Variants in DNAH7 observed in about 807,000 individuals in gnomAD.
The protein encoded by DNAH7 is dynein axonemal heavy chain 7, also known as axonemal beta dynein heavy chain 7.
A neutral mutation model predicts 444.6 loss-of-function variants in DNAH7; 397 were observed. That is an observed-to-expected ratio of 0.89 (90% CI 0.82 to 0.97). The LOEUF (loss-of-function observed/expected upper bound fraction) is 0.97. Among genes scored for constraint, DNAH7 ranks in the 50% least tolerant of loss-of-function variants. The pLI, the probability that DNAH7 is intolerant of heterozygous loss-of-function variation, is 0.00. For synonymous variants in DNAH7, 1,636 were observed against 1,624.4 expected (o/e 1.01, Z -0.17); for missense variants, 4,902 against 4,800.8 (o/e 1.02, Z -0.62).
intron 34 of DNAH7, among the ~76,000 whole-genome samples, 153 bp from the exon 35 acceptor site, chr2:195,884,962 T>C (rs1574663197): frequency 6.6e-6 from 1 of 152,204 alleles, no homozygotes; most frequent in South Asian, 2.1e-4. Flanking sequence ...TTTGTAATCA[T>C]AAGGGTTTTT....
At chr2:195,874,662 A>G (rs374194445) in intron 38 of DNAH7, among the ~76,000 whole-genome samples, 3 of 151,764 alleles carry the variant, frequency 2.0e-5, no homozygotes, top group African/African-American at 7.3e-5. Context: ...TCCACAAAAT[A>G]TGAAACAAAA....
intron 5 of DNAH7, among the ~76,000 whole-genome samples, chr2:196,030,306 A>T (rs953941293): frequency 6.6e-6 from 1 of 152,196 alleles, no homozygotes; most frequent in Non-Finnish European, 1.5e-5. Context: ...GGAGAAACCA[A>T]CCCCATGATT....
chr2:196,064,960 G>A (rs1698343423), intron 1 of DNAH7, among the ~76,000 whole-genome samples: 1 of 152,094 alleles, frequency 6.6e-6, no homozygotes, highest in South Asian at 2.1e-4. Context: ...ATACATATGT[G>A]TGTATATGTA....
At chr2:196,019,975 C>T (rs557122081) in intron 8 of DNAH7, among the ~76,000 whole-genome samples, 1 of 151,358 alleles carries the variant, frequency 6.6e-6, no homozygotes, top group Admixed American at 6.6e-5. Context: ...TTCCCTCCTC[C>T]TTCACCTCCT....
At position 195,926,534 on chromosome 2, in the gene DNAH7, T is replaced by A. The variant is rs1204732695; in HGVS notation, c.3504A>T (p.Lys1168Asn). Residue 1168 changes from lysine to asparagine, a missense_variant, in exon 22 of 65, where the codon AAA becomes AAT. Transcript: ENST00000312428. ...VTGDATFAYT[K>N]YERINWVRDW... The stretch of plus-strand genomic sequence containing the variant: ...CCCTTACCCAGTTAATTCGTTCATA[T>A]TTTGTATAGGCAAAAGTTGCATCTC... 1 of 1,602,286 alleles carries A rather than the reference T, an allele frequency of 6.2e-7. No homozygotes were observed. Among genetic ancestry groups the A allele is most frequent in the Non-Finnish European group, 8.5e-7 (1 of 1,175,638 alleles).
chr2:196,004,185 G>A (rs983415246), intron 10 of DNAH7, among the ~76,000 whole-genome samples: 20 of 152,284 alleles, frequency 1.3e-4, no homozygotes, highest in Middle Eastern at 6.8e-3. Flanking sequence ...CTGAACTGGG[G>A]AATATTTTAA....
Position 195,988,135 on chromosome 2 carries a change from T to C in DNAH7, c.1448A>G (p.Glu483Gly). The change falls in exon 13 of 65, where the codon GAG becomes GGG. Residue 483 changes from glutamate to glycine, a missense_variant. Physicochemically the swap from Glu to Gly is moderately conservative, Grantham distance 98. Transcript: ENST00000312428. Reference protein sequence around the residue: ...KEKIKEVIMKESVAPTEHLRL... With the variant: ...KEKIKEVIMKGSVAPTEHLRL... ...GAGGTGCTCAGTAGGTGCCACACTC[T>C]CTTTCATAATAACTTCCTTGATCTT... The C allele has an allele frequency of 1.2e-6, 2 of 1,613,708 alleles. No homozygotes were observed. Among genetic ancestry groups the C allele is most frequent in the South Asian group, 2.2e-5 (2 of 91,020 alleles).
At chr2:196,017,596 A>G (rs6727963) in intron 9 of DNAH7, among the ~76,000 whole-genome samples, 138,073 of 152,064 alleles carry the variant, frequency 0.91, 62,797 homozygotes, top group East Asian at 1. Context: ...AAATATTACA[A>G]GAAAAAAATA....
chr2:195,769,268 T>TG (rs966903126), intron 61 of DNAH7, among the ~76,000 whole-genome samples: 3 of 151,812 alleles, frequency 2.0e-5, no homozygotes, highest in African/African-American at 7.3e-5. Flanking sequence ...GTCTTACTGT[T>TG]GTCAAGGTGG....
At chr2:195,974,370 T>C (rs1692045723) in intron 15 of DNAH7, among the ~76,000 whole-genome samples, 1 of 152,230 alleles carries the variant, frequency 6.6e-6, no homozygotes, top group African/African-American at 2.4e-5. Flanking sequence ...AATAAAGGAC[T>C]GATTTCTATA....
chr2:195,848,188 T>A (rs1340832253), intron 46 of DNAH7, among the ~76,000 whole-genome samples: 2 of 152,202 alleles, frequency 1.3e-5, no homozygotes, highest in African/African-American at 4.8e-5. Context: ...CTGAGTAGGC[T>A]GGACCAACAT....
chr2:195,939,235 T>C (rs1403884901), intron 19 of DNAH7, among the ~76,000 whole-genome samples: 1 of 152,064 alleles, frequency 6.6e-6, no homozygotes, highest in African/African-American at 2.4e-5. Context: ...GGATTGACTC[T>C]GGGGAAAGGG....
chr2:195,964,118 T>C (rs1336547744), intron 17 of DNAH7, among the ~76,000 whole-genome samples: 1 of 152,202 alleles, frequency 6.6e-6, no homozygotes, highest in Non-Finnish European at 1.5e-5. Context: ...ATAAAAATTG[T>C]AGAACTGTGG....
At chr2:195,891,847 T>C in intron 30 of DNAH7, 43 bp from the exon 31 acceptor site, 1 of 1,434,228 alleles carries the variant, frequency 7.0e-7, no homozygotes, top group Non-Finnish European at 9.4e-7. Flanking sequence ...AAGAATACTG[T>C]CTTTATTCAT....
intron 33 of DNAH7, among the ~76,000 whole-genome samples, chr2:195,887,129 G>T (rs1026677360): frequency 6.6e-6 from 1 of 150,554 alleles, no homozygotes; most frequent in Non-Finnish European, 1.5e-5. Flanking sequence ...ATTTCTTCAA[G>T]AAATAACAGA....
At chr2:195,768,229 T>C (rs1220319737) in intron 61 of DNAH7, among the ~76,000 whole-genome samples, 1 of 148,192 alleles carries the variant, frequency 6.7e-6, no homozygotes, top group Non-Finnish European at 1.5e-5. Context: ...TTAAGATATA[T>C]ATAGAGAAAA....
chr2:196,013,138 A>C (rs1212615332), intron 9 of DNAH7, among the ~76,000 whole-genome samples: 1 of 152,188 alleles, frequency 6.6e-6, no homozygotes, highest in Non-Finnish European at 1.5e-5. Context: ...AAGTAGAAGA[A>C]AGTTGCAATA....
intron 27 of DNAH7, chr2:195,903,424 A>G (rs748511138): frequency 6.6e-6 from 1 of 152,028 alleles, no homozygotes; most frequent in Non-Finnish European, 1.5e-5. Flanking sequence ...ATACTCTGAA[A>G]AGCTATGTAT....
intron 57 of DNAH7, among the ~76,000 whole-genome samples, chr2:195,789,775 A>T (rs1695791569): frequency 6.6e-6 from 1 of 152,122 alleles, no homozygotes; most frequent in Admixed American, 6.5e-5. Context: ...CATTAAAAAA[A>T]AACCCAAAAT....
Sources: gnomAD v4.1 joint callset for allele counts (sites outside exome capture counted in the v4.1 genomes callset) on GRCh38, gnomAD v4.1.1 for gene constraint, MANE v1.5 for transcripts, NCBI Gene and HGNC (gene_info 2026-07-23, HGNC 2026-07-21) for gene names.